Variants in COL26A1 observed in about 807,000 individuals in gnomAD.
COL26A1 encodes collagen alpha-1(XXVI) chain.
A neutral mutation model predicts 59.3 loss-of-function variants in COL26A1; 41 were observed. That is an observed-to-expected ratio of 0.69 (90% CI 0.54 to 0.90). COL26A1 has a LOEUF of 0.90. Ranked by LOEUF, COL26A1 falls within the 40% of genes least tolerant of loss-of-function variation. The probability of loss-of-function intolerance (pLI) is 0.00; values close to 1 mark genes in which losing one functional copy is unlikely to be tolerated. For missense variants in COL26A1, 612 were observed against 602.3 expected, an observed-to-expected ratio of 1.02 and a Z score of -0.17; for synonymous variants, 266 against 256.0, an observed-to-expected ratio of 1.04 and a Z score of -0.37.
At chr7:101,549,353 G>C (rs1257568473) in intron 9 of COL26A1, 130 bp downstream of exon 9, 3 of 583,428 alleles carry the variant, frequency 5.1e-6, no homozygotes, top group Middle Eastern at 5.3e-4. Context: ...GGCCTGGCCG[G>C]TGAGATTTTA....
At chr7:101,373,728 A>G (rs1791244920) in intron 1 of COL26A1, among the ~76,000 whole-genome samples, 1 of 152,140 alleles carries the variant, frequency 6.6e-6, no homozygotes, top group Non-Finnish European at 1.5e-5. Context: ...GTGTGAGCAC[A>G]TAGAGGAGGG....
chr7:101,423,551 G>C (rs1202246430), intron 2 of COL26A1, among the ~76,000 whole-genome samples: 1 of 151,798 alleles, frequency 6.6e-6, no homozygotes, highest in East Asian at 2.0e-4. Context: ...TGGCCAATAT[G>C]GTGAAATCCC....
chr7:101,366,620 C>T (rs559671036), intron 1 of COL26A1, among the ~76,000 whole-genome samples: 2 of 151,580 alleles, frequency 1.3e-5, no homozygotes, highest in South Asian at 4.2e-4. Flanking sequence ...CCCACCTCAG[C>T]CTCCTAAGTA....
intron 3 of COL26A1, among the ~76,000 whole-genome samples, chr7:101,509,350 G>A (rs1313823133): frequency 6.6e-6 from 1 of 152,116 alleles, no homozygotes; most frequent in Non-Finnish European, 1.5e-5. Flanking sequence ...GGAGGCTGAG[G>A]CAGGAGAATA....
chr7:101,538,661 C>T (rs1795535839), intron 4 of COL26A1, among the ~76,000 whole-genome samples: 1 of 152,196 alleles, frequency 6.6e-6, no homozygotes, highest in African/African-American at 2.4e-5. Context: ...CTGCAGCCCA[C>T]AGCAGGGCCT....
At chr7:101,401,071 G>A (rs573154104) in intron 1 of COL26A1, among the ~76,000 whole-genome samples, 2 of 152,294 alleles carry the variant, frequency 1.3e-5, no homozygotes, top group Non-Finnish European at 2.9e-5. Context: ...AGTTGTCACC[G>A]AGTCCCTGGC....
intron 3 of COL26A1, among the ~76,000 whole-genome samples, chr7:101,527,864 C>A (rs995510822): frequency 6.6e-6 from 1 of 152,074 alleles, no homozygotes; most frequent in Non-Finnish European, 1.5e-5. Context: ...GCGACCACAT[C>A]GTAGAGTAGT....
chr7:101,365,449 CAG>C (rs1791021195), intron 1 of COL26A1, among the ~76,000 whole-genome samples: 1 of 151,922 alleles, frequency 6.6e-6, no homozygotes, highest in Non-Finnish European at 1.5e-5. Context: ...TTTTTTGAGA[CAG>C]AGTCTCGCTC....
chr7:101,424,990 A>G (rs1340115138), intron 2 of COL26A1, among the ~76,000 whole-genome samples: 2 of 151,650 alleles, frequency 1.3e-5, no homozygotes, highest in Non-Finnish European at 2.9e-5. Flanking sequence ...TGGTGTGATC[A>G]TAGCTCACTG....
At chr7:101,489,894 CTTTCTTTCTTTCTTTCTTTCTTTCTT>C (rs1794414816) in intron 3 of COL26A1, among the ~76,000 whole-genome samples, 2 of 85,236 alleles carry the variant, frequency 2.3e-5, no homozygotes, top group African/African-American at 4.7e-5. Flanking sequence ...TTCTTTCTTT[CTTTCTTTCTTTCTTTCTTTCTTTCTT>C]GTCTCTCTCT....
At chr7:101,545,882 C>T (rs1795725133) in intron 7 of COL26A1, among the ~76,000 whole-genome samples, 1 of 152,250 alleles carries the variant, frequency 6.6e-6, no homozygotes, top group African/African-American at 2.4e-5. Flanking sequence ...GCTACCCCAC[C>T]CCACCAAGGT....
At chr7:101,385,286 A>G (rs1390267245) in intron 1 of COL26A1, among the ~76,000 whole-genome samples, 1 of 149,798 alleles carries the variant, frequency 6.7e-6, no homozygotes, top group Admixed American at 6.7e-5. Context: ...TATATATAGT[A>G]TGTGTGTGTA....
chr7:101,557,473 C>T lies in COL26A1; in HGVS notation c.1269C>T (p.Ala423=), dbSNP rs1584513868. 3 of 1,613,848 alleles carry T rather than the reference C, an allele frequency of 1.9e-6. No individual in the cohort carries two copies. In the East Asian group the frequency reaches 6.7e-5, roughly 36 times the overall value. ...GGAQPDGVLA[A]LLGPDPGQKS... ...CCCAACCCGATGGGGTCCTTGCTGC[C>T]CTGCTTGGGCCCGACCCTGGACAGA... Residue 423 remains alanine, a synonymous_variant, in exon 13 of 13, where the codon GCC becomes GCT. Transcript: ENST00000313669.
At chr7:101,400,639 A>G (rs1306790782) in intron 1 of COL26A1, among the ~76,000 whole-genome samples, 2 of 151,042 alleles carry the variant, frequency 1.3e-5, no homozygotes, top group Non-Finnish European at 3.0e-5. Flanking sequence ...GCTCACTGCA[A>G]CCTCTGCCTC....
chr7:101,448,980 G>A (rs1436849724), intron 3 of COL26A1, among the ~76,000 whole-genome samples: 1 of 152,220 alleles, frequency 6.6e-6, no homozygotes, highest in Non-Finnish European at 1.5e-5. Context: ...TAGAGACTCT[G>A]ACAATTGCTT....
At chr7:101,375,903 A>T (rs1045664873) in intron 1 of COL26A1, among the ~76,000 whole-genome samples, 6 of 150,018 alleles carry the variant, frequency 4.0e-5, no homozygotes, top group Non-Finnish European at 7.4e-5. Flanking sequence ...GGAGAATGGC[A>T]TGAACCCGGG....
At chr7:101,448,938 T>C (rs1274083441) in intron 3 of COL26A1, among the ~76,000 whole-genome samples, 1 of 152,200 alleles carries the variant, frequency 6.6e-6, no homozygotes, top group Non-Finnish European at 1.5e-5. Flanking sequence ...AAGAGCTCTT[T>C]GGGTTACAAA....
intron 2 of COL26A1, among the ~76,000 whole-genome samples, chr7:101,422,607 A>AG (rs1792549212): frequency 6.6e-6 from 1 of 151,748 alleles, no homozygotes; most frequent in African/African-American, 2.4e-5. Context: ...GCTTTGGCTC[A>AG]GAGCTCTGTT....
chr7:101,531,214 T>G (rs1243968619), intron 3 of COL26A1, among the ~76,000 whole-genome samples: 1 of 152,112 alleles, frequency 6.6e-6, no homozygotes, highest in Non-Finnish European at 1.5e-5. Flanking sequence ...CTCATGATCC[T>G]CCCGCCTTGG....
Sources: allele counts gnomAD v4.1 joint callset (sites outside exome capture counted in the v4.1 genomes callset), GRCh38; gene constraint gnomAD v4.1.1; transcripts MANE v1.5; gene names NCBI Gene and HGNC (gene_info 2026-07-23, HGNC 2026-07-21).